Variants in ATRNL1 observed in about 807,000 individuals in gnomAD.
ATRNL1 encodes the protein attractin like 1.
A neutral mutation model predicts 182.7 loss-of-function variants in ATRNL1; 95 were observed. The ratio of observed to expected loss-of-function variants is 0.52; its 90% confidence interval spans 0.44 to 0.62. ATRNL1 has a LOEUF of 0.62. Ranked by LOEUF, ATRNL1 falls within the 20% of genes least tolerant of loss-of-function variation. The probability of loss-of-function intolerance (pLI) is 0.00; values close to 1 mark genes in which losing one functional copy is unlikely to be tolerated. For missense variants in ATRNL1, 1,471 were observed against 1,679.5 expected (o/e 0.88, Z 2.17); for synonymous variants, 576 against 568.3 (o/e 1.01, Z -0.19).
intron 26 of ATRNL1, among the ~76,000 whole-genome samples, chr10:115,692,068 A>G (rs1340957841): frequency 7.9e-5 from 12 of 152,296 alleles, no homozygotes; most frequent in South Asian, 4.1e-4. Context: ...AACTTCACCA[A>G]TGAGGCAGTT....
At position 115,309,259 on chromosome 10, in the gene ATRNL1, T is replaced by C. The variant is rs967085809; in HGVS notation, c.2819-6259T>C. On this transcript the variant is annotated intron_variant, in intron 17 of 28. Coordinates refer to ENST00000355044, the MANE Select transcript of ATRNL1 (RefSeq NM_207303.4). ...TTAGGATTGGTTTGGCTATTTAGGCTCTTTTTTGGTTCTATATGAATTTTA... is the reference window on the plus strand; with the variant it reads ...TTAGGATTGGTTTGGCTATTTAGGCCCTTTTTTGGTTCTATATGAATTTTA... Among the ~76,000 whole-genome samples the C allele has an allele frequency of 2.6e-5, 4 of 152,142 alleles. No homozygotes were observed. In the East Asian group the frequency reaches 7.7e-4, roughly 29 times the overall value.
chr10:115,146,084 C>T (rs892014991), intron 5 of ATRNL1, among the ~76,000 whole-genome samples: 3 of 151,640 alleles, frequency 2.0e-5, no homozygotes, highest in Non-Finnish European at 4.4e-5. Context: ...TTAAAATACC[C>T]AAAATTATAT....
At chr10:115,717,246 T>C (rs1555056554) in intron 26 of ATRNL1, among the ~76,000 whole-genome samples, 1 of 152,186 alleles carries the variant, frequency 6.6e-6, no homozygotes, top group African/African-American at 2.4e-5. Flanking sequence ...AGCCTATTTC[T>C]TGTGCCATTT....
chr10:115,593,434 A>G (rs1422456207), intron 26 of ATRNL1, among the ~76,000 whole-genome samples: 1 of 152,204 alleles, frequency 6.6e-6, no homozygotes, highest in Non-Finnish European at 1.5e-5. Flanking sequence ...CCAGAAGTAA[A>G]TCTGCACATT....
intron 8 of ATRNL1, among the ~76,000 whole-genome samples, chr10:115,182,114 T>C (rs549395335): frequency 3.2e-4 from 48 of 151,750 alleles, no homozygotes; most frequent in African/African-American, 1.1e-3. Flanking sequence ...CCCAACACTT[T>C]AAAACAAAGA....
At chr10:115,257,627 T>A (rs1851210275) in intron 10 of ATRNL1, among the ~76,000 whole-genome samples, 1 of 152,220 alleles carries the variant, frequency 6.6e-6, no homozygotes, top group Non-Finnish European at 1.5e-5. Context: ...AATATTGTTA[T>A]GTGTGAATTT....
At chr10:115,335,474 C>T (rs1339514472) in intron 19 of ATRNL1, among the ~76,000 whole-genome samples, 4 of 152,124 alleles carry the variant, frequency 2.6e-5, no homozygotes, top group African/African-American at 9.7e-5. Context: ...TAGGGTGATT[C>T]TTAGGTAATT....
intron 27 of ATRNL1, among the ~76,000 whole-genome samples, chr10:115,802,896 T>C (rs1366095255): frequency 6.6e-6 from 1 of 152,190 alleles, no homozygotes; most frequent in African/African-American, 2.4e-5. Flanking sequence ...TACATGTCCT[T>C]TTAGGAAGGG....
At chr10:115,290,004 G>C (rs1421128473) in intron 15 of ATRNL1, among the ~76,000 whole-genome samples, 3 of 150,910 alleles carry the variant, frequency 2.0e-5, no homozygotes, top group Non-Finnish European at 4.4e-5. Context: ...TAAGTCTTCT[G>C]ATCCATTTGC....
Position 115,847,859 on chromosome 10 carries a change from G to A in ATRNL1, c.3904-18G>A. The A allele has an allele frequency of 2.0e-6, 3 of 1,481,140 alleles. No homozygotes were observed. Among genetic ancestry groups the A allele is most frequent in the Non-Finnish European group, 1.9e-6 (2 of 1,059,652 alleles). 91.7% of individuals were successfully genotyped at this position (1,481,140 alleles called of 1,614,324 possible). On this transcript the variant is annotated intron_variant, in intron 27 of 28. Coordinates refer to ENST00000355044, the MANE Select transcript of ATRNL1 (RefSeq NM_207303.4). ...GCTATGTCAATTTTGCAAACTTAAA[G>A]TGGGTTTTCTTTTTCAGGGGGCACC...
At chr10:115,117,555 A>ATAG (rs1406557819) in intron 1 of ATRNL1, among the ~76,000 whole-genome samples, 2 of 152,146 alleles carry the variant, frequency 1.3e-5, no homozygotes, top group Non-Finnish European at 2.9e-5. Context: ...TTATGGCTGA[A>ATAG]TAGTAATTCA....
At chr10:115,564,400 G>A (rs782581638) in intron 26 of ATRNL1, among the ~76,000 whole-genome samples, 1 of 151,916 alleles carries the variant, frequency 6.6e-6, no homozygotes, top group Non-Finnish European at 1.5e-5. Flanking sequence ...CTCATTTTCT[G>A]TGGCCAATTT....
chr10:115,250,539 A>G (rs1227427180), intron 10 of ATRNL1, among the ~76,000 whole-genome samples: 1 of 152,184 alleles, frequency 6.6e-6, no homozygotes, highest in African/African-American at 2.4e-5. Context: ...CTGGCTGGAA[A>G]GAGCTGGCAG....
intron 26 of ATRNL1, among the ~76,000 whole-genome samples, chr10:115,712,867 C>CA (rs68003846): frequency 0.01 from 1,421 of 139,986 alleles, 26 homozygotes; most frequent in African/African-American, 0.035. Flanking sequence ...GACAATGTTT[C>CA]AAAAAAAAAA....
intron 26 of ATRNL1, among the ~76,000 whole-genome samples, chr10:115,596,798 T>C (rs1856271227): frequency 6.6e-6 from 1 of 152,170 alleles, no homozygotes; most frequent in Admixed American, 6.5e-5. Context: ...TATAAATCCA[T>C]TTATTTTTAA....
intron 27 of ATRNL1, among the ~76,000 whole-genome samples, chr10:115,836,456 G>A (rs1214523905): frequency 6.6e-6 from 1 of 152,194 alleles, no homozygotes; most frequent in Non-Finnish European, 1.5e-5. Flanking sequence ...CTGGGGGCTA[G>A]AAGTCTGGAA....
Position 115,321,524 on chromosome 10 carries a change from T to C in ATRNL1, c.3037+5788T>C, listed in dbSNP as rs563536010. ...TGTGTCCTTGCTTCGTCAGGGAGTT[T>C]TATACTTTCATTTGTTTTTATGATG... On this transcript the variant is annotated intron_variant, in intron 18 of 28. Transcript: ENST00000355044. Among the ~76,000 whole-genome samples the C allele has an allele frequency of 3.3e-5, 5 of 152,260 alleles. No individual in the cohort carries two copies. The East Asian group carries it at 9.6e-4, about 29-fold the overall frequency.
chr10:115,809,894 G>C (rs1397449855), intron 27 of ATRNL1, among the ~76,000 whole-genome samples: 2 of 151,846 alleles, frequency 1.3e-5, no homozygotes, highest in Non-Finnish European at 2.9e-5. Context: ...GAAACATTCA[G>C]TCTTTTACCA....
chr10:115,112,414 A>G lies in ATRNL1; in HGVS notation c.294-7771A>G, dbSNP rs368923292. ...AATGGAAAATGCATATTATGAAAAA[A>G]CTGCGTGGATTTCAAATTTTTTTTG... On this transcript the variant is annotated intron_variant, in intron 1 of 28. Transcript: ENST00000355044. 1.3e-3 allele frequency among the ~76,000 whole-genome samples: 197 copies of G among 152,304 alleles called. 3 individuals carry two copies. Among genetic ancestry groups the G allele is most frequent in the African/African-American group, 4.0e-3 (165 of 41,570 alleles).
Sources: gnomAD v4.1 joint callset for allele counts (sites outside exome capture counted in the v4.1 genomes callset) on GRCh38, gnomAD v4.1.1 for gene constraint, MANE v1.5 for transcripts, NCBI Gene and HGNC (gene_info 2026-07-23, HGNC 2026-07-21) for gene names.